TASOR2: variants seen among roughly 807,000 people sequenced by gnomAD.
TASOR2 encodes protein TASOR 2.
In TASOR2, 84 loss-of-function variants were observed where a neutral mutation model predicts 199.5. That is an observed-to-expected ratio of 0.42 (90% CI 0.35 to 0.50). The LOEUF (loss-of-function observed/expected upper bound fraction) is 0.50. TASOR2 is among the 20% of genes least tolerant of loss of function. TASOR2 has a pLI of 0.02. For synonymous variants in TASOR2, 1,103 were observed against 1,046.6 expected (o/e 1.05, Z -1.04); for missense variants, 2,796 against 2,835.9 (o/e 0.99, Z 0.32).
exon 13 of TASOR2, chr10:5,739,983 A>T: frequency 6.2e-7 from 1 of 1,614,138 alleles, no homozygotes; most frequent in Non-Finnish European, 8.5e-7. Context: ...TGATAGGAAG[A>T]GTAATTCTGG....
Position 5,720,942 on chromosome 10 carries a change from A to C in TASOR2, c.118A>C (p.Thr40Pro), listed in dbSNP as rs1318394209. ...GCTATGTGATATAGCTCTTTGGTCC[A>C]CTTACGGTGCAATGATTCCAACACA... is the stretch of plus-strand genomic sequence containing the variant. Residue 40 changes from threonine (T) to proline (P), a missense_variant, in exon 6 of 21, where the codon ACT becomes CCT. Around this residue, in one of 3 missense-constraint regions of TASOR2, gnomAD observed 847 missense variants for 887.4 expected, o/e 0.95. Transcript: ENST00000328090. This position sits in a 1 kb window ranked among gnomAD's most constrained non-coding sequence, Gnocchi z 5.3. The C allele has an allele frequency of 1.9e-6, 3 of 1,613,258 alleles. No homozygotes were observed. Among genetic ancestry groups the C allele is most frequent in the East Asian group, 2.2e-5 (1 of 44,846 alleles).
chr10:5,716,217 A>G (rs1057014451), intron 2 of TASOR2, among the ~76,000 whole-genome samples: 5 of 152,188 alleles, frequency 3.3e-5, no homozygotes, highest in African/African-American at 1.2e-4. Context: ...GTTATATTAT[A>G]CAATGGTGTA....
At position 5,742,283 on chromosome 10, in the gene TASOR2, T is replaced by C. The variant is rs1366010233; in HGVS notation, c.2514T>C (p.Ile838=). ...TAGAATCTTGTGAGCTCCGTGAAAT[T>C]GAGGAGTCCCTTGGTTTGGAAAAAT... The change falls in exon 14 of 21, where the codon ATT becomes ATC. Residue 838 remains isoleucine (I), a synonymous_variant. Coordinates refer to ENST00000328090, the Ensembl canonical transcript of TASOR2. This position sits in a 1 kb window ranked among gnomAD's most constrained non-coding sequence, Gnocchi z 4.2. 6.2e-7 allele frequency: 1 copy of C among 1,614,068 alleles called. No homozygotes were observed. The highest frequency in any genetic ancestry group is 8.5e-7 in the Non-Finnish European group (1 of 1,180,022).
chr10:5,760,609 T>C (rs1839665377), intron 18 of TASOR2, among the ~76,000 whole-genome samples: 1 of 152,198 alleles, frequency 6.6e-6, no homozygotes, highest in South Asian at 2.1e-4. Flanking sequence ...TTTCTATTCA[T>C]AGAAAGAGGG....
At chr10:5,709,681 T>C (rs10508295) in intron 1 of TASOR2, 148,921 of 1,228,920 alleles carry the variant, frequency 0.12, 9,772 homozygotes, top group South Asian at 0.24. Flanking sequence ...TTAAACTAAG[T>C]GCTATAAGTC....
chr10:5,749,681 C>A, exon 15 of TASOR2: 1 of 1,614,202 alleles, frequency 6.2e-7, no homozygotes, highest in Non-Finnish European at 8.5e-7. Context: ...AGAAATCACA[C>A]TGTTTCATTC....
intron 2 of TASOR2, among the ~76,000 whole-genome samples, chr10:5,713,151 G>T (rs935941773): frequency 6.6e-6 from 1 of 152,050 alleles, no homozygotes; most frequent in Non-Finnish European, 1.5e-5. Flanking sequence ...GTAAGCTTAG[G>T]GTGCAATTTG....
At chr10:5,757,920 T>C (rs774941579) in intron 17 of TASOR2, among the ~76,000 whole-genome samples, 2 of 152,188 alleles carry the variant, frequency 1.3e-5, no homozygotes, top group Non-Finnish European at 2.9e-5. Flanking sequence ...CTCTCGGTAG[T>C]GCAGCTAAGC....
intron 11 of TASOR2, among the ~76,000 whole-genome samples, chr10:5,732,088 G>A (rs76594156): frequency 0.019 from 2,886 of 152,342 alleles, 57 homozygotes; most frequent in African/African-American, 0.044. Context: ...TGTATTGGCA[G>A]ATGTATTTCA....
At chr10:5,733,854 TA>T (rs937270659) in intron 11 of TASOR2, among the ~76,000 whole-genome samples, 58 of 151,344 alleles carry the variant, frequency 3.8e-4, no homozygotes, top group Admixed American at 7.2e-4. Flanking sequence ...GTCTTATTGT[TA>T]AAAAAAAATA....
At chr10:5,693,475 A>G (rs1237852299) in intron 1 of TASOR2, among the ~76,000 whole-genome samples, 1 of 152,176 alleles carries the variant, frequency 6.6e-6, no homozygotes, top group Non-Finnish European at 1.5e-5. Flanking sequence ...GTATTTCTCA[A>G]ATTGTATTTT....
In TASOR2 at chr10:5,690,593, G is replaced by A. The variant is rs1316516854; in HGVS notation, c.-288+5418G>A. Among the ~76,000 whole-genome samples, 2 of 152,300 alleles carry A rather than the reference G, an allele frequency of 1.3e-5. 1 individual carries two copies. The highest frequency in any genetic ancestry group is 4.1e-4 in the South Asian group (2 of 4,834). On this transcript the variant is annotated intron_variant, in intron 1 of 20. Transcript: ENST00000328090. The surrounding 1 kb of genome is among the most constrained non-coding windows in gnomAD (Gnocchi z 4.8). ...TATTCTGGCATAAATCAGATGTCACGTTCTCTTTTGCCATATGTAATAATC... is the reference window on the plus strand; with the variant it reads ...TATTCTGGCATAAATCAGATGTCACATTCTCTTTTGCCATATGTAATAATC...
rs970784976 is a variant in TASOR2, at chr10:5,730,623, T to C, written c.624T>C (p.Arg208=). Reference sequence around the variant, plus strand: ...TCCATCCAAACACATTAGTAAAGCGTCATTTCCAAGAATTGTACAAGGCGG... The same window carrying C: ...TCCATCCAAACACATTAGTAAAGCGCCATTTCCAAGAATTGTACAAGGCGG... The change falls in exon 11 of 21, where the codon CGT becomes CGC. Residue 208 remains arginine, a synonymous_variant. Transcript: ENST00000328090. The surrounding 1 kb of genome is among the most constrained non-coding windows in gnomAD (Gnocchi z 4.1). The C allele has an allele frequency of 1.4e-5, 22 of 1,614,064 alleles. No homozygotes were observed. The African/African-American group carries it at 2.9e-4, about 22-fold the overall frequency.
chr10:5,740,724 C>A lies in TASOR2; in HGVS notation c.2327+227C>A, dbSNP rs745337435. Among the ~76,000 whole-genome samples the A allele has an allele frequency of 1.3e-4, 20 of 152,188 alleles. No individual in the cohort carries two copies. The highest frequency in any genetic ancestry group is 1.2e-4 in the Non-Finnish European group (8 of 68,030). ...GAGAAGTTTTTAAAGATAATTTTAGCCTAATGAATAGCTTTCCATTTTGCA... is the reference window on the plus strand; with the variant it reads ...GAGAAGTTTTTAAAGATAATTTTAGACTAATGAATAGCTTTCCATTTTGCA... On this transcript the variant is annotated intron_variant, in intron 13 of 20. Coordinates refer to ENST00000328090, the Ensembl canonical transcript of TASOR2. The surrounding 1 kb of genome is among the most constrained non-coding windows in gnomAD (Gnocchi z 5.3).
At chr10:5,707,709 C>A (rs1838821728) in intron 1 of TASOR2, among the ~76,000 whole-genome samples, 1 of 147,180 alleles carries the variant, frequency 6.8e-6, no homozygotes. Flanking sequence ...CACATACTCA[C>A]TCTCCCTCAC....
At chr10:5,734,921 T>C (rs7475869) in intron 11 of TASOR2, among the ~76,000 whole-genome samples, 14,048 of 151,866 alleles carry the variant, frequency 0.093, 768 homozygotes, top group South Asian at 0.13. Context: ...CTCCTACTCC[T>C]GGGCTCAAGC....
intron 1 of TASOR2, among the ~76,000 whole-genome samples, chr10:5,702,935 A>C (rs1838084948): frequency 6.6e-6 from 1 of 152,214 alleles, no homozygotes; most frequent in African/African-American, 2.4e-5. Flanking sequence ...AACATTCAAT[A>C]CCAGAAAATA....
Position 5,692,596 on chromosome 10 carries a change from C to G in TASOR2, c.-288+7421C>G, listed in dbSNP as rs151006432. ...TTCCCTGGTGTGTGGAGTCCCTACC[C>G]GCTACAAGCTCCGTTGGGTCTACGG... On this transcript the variant is annotated intron_variant, in intron 1 of 20. Transcript: ENST00000328090. Among the ~76,000 whole-genome samples the G allele has an allele frequency of 1.2e-3, 185 of 152,142 alleles. 3 individuals carry two copies. The East Asian group carries it at 0.026, about 22-fold the overall frequency.
chr10:5,703,900 A>G (rs1052944620), intron 1 of TASOR2, among the ~76,000 whole-genome samples: 1 of 151,578 alleles, frequency 6.6e-6, no homozygotes, highest in African/African-American at 2.4e-5. Context: ...TTTTCATTCA[A>G]GGTTGTGCTA....
Sources: gnomAD v4.1 joint callset for allele counts (sites outside exome capture counted in the v4.1 genomes callset) on GRCh38, gnomAD v4.1.1 for gene constraint, gnomAD v4.1.1 regional missense constraint, Gnocchi (gnomAD v3.1) non-coding constraint, MANE v1.5 for transcripts, NCBI Gene and HGNC (gene_info 2026-07-23, HGNC 2026-07-21) for gene names.